RTEL1: variants seen among roughly 807,000 people sequenced by gnomAD.
The protein encoded by RTEL1 is regulator of telomere length.
A neutral mutation model predicts 162.2 loss-of-function variants in RTEL1; 86 were observed. The observed-to-expected ratio is 0.53, with a 90% confidence interval of 0.45 to 0.63. The LOEUF (loss-of-function observed/expected upper bound fraction) is 0.63. Ranked by LOEUF, RTEL1 falls within the 30% of genes least tolerant of loss-of-function variation. RTEL1 has a pLI of 0.00. For missense variants in RTEL1, 1,941 were observed against 1,750.2 expected (o/e 1.11, Z -1.95); for synonymous variants, 958 against 717.9 (o/e 1.33, Z -5.35).
At chr20:63,685,088 A>G (rs1601154514) in intron 14 of RTEL1, among the ~76,000 whole-genome samples, 1 of 135,440 alleles carries the variant, frequency 7.4e-6, no homozygotes, top group Non-Finnish European at 1.6e-5. Flanking sequence ...GGGTTGCACC[A>G]TGTTGCCCAG....
At position 63,661,364 on chromosome 20, in the gene RTEL1, C is replaced by T; in HGVS notation, c.169C>T (p.Leu57=). 1.2e-6 allele frequency: 2 copies of T among 1,613,670 alleles called. No individual in the cohort carries two copies. Among genetic ancestry groups the T allele is most frequent in the Non-Finnish European group, 1.7e-6 (2 of 1,180,034 alleles). ...GKTLCLLCTT[L]AWREHLRDGI... ...GACGCTGTGCCTGCTGTGCACCACG[C>T]TGGCCTGGCGAGAACACCTCCGAGA... The change falls in exon 3 of 35, where the codon CTG becomes TTG. Residue 57 remains leucine, a synonymous_variant. Transcript: ENST00000360203. The surrounding 1 kb of genome is among the most constrained non-coding windows in gnomAD (Gnocchi z 5.1).
At chr20:63,689,227 C>T (rs764270145) in intron 22 of RTEL1, 95 bp downstream of exon 22, 24 of 1,242,614 alleles carry the variant, frequency 1.9e-5, no homozygotes, top group South Asian at 5.0e-5. Flanking sequence ...GGGGGCTGCC[C>T]GGTCCCCTCC....
intron 10 of RTEL1, among the ~76,000 whole-genome samples, chr20:63,675,952 T>TGTTAGTTA (rs2090341184): frequency 6.6e-6 from 1 of 152,146 alleles, no homozygotes; most frequent in South Asian, 2.1e-4. Flanking sequence ...TCTCCACTCT[T>TGTTAGTTA]CAGTTTTGTT....
chr20:63,695,276 G>A (rs1033340591), intron 33 of RTEL1, 52 bp from the exon 34 acceptor site: 21 of 1,599,228 alleles, frequency 1.3e-5, no homozygotes, highest in African/African-American at 2.7e-5. Flanking sequence ...GCAGCCCTGG[G>A]AGTGAGCAGC....
At chr20:63,664,552 C>T (rs1373890194) in intron 6 of RTEL1, among the ~76,000 whole-genome samples, 1 of 152,208 alleles carries the variant, frequency 6.6e-6, no homozygotes, top group Admixed American at 6.5e-5. Flanking sequence ...TCTCCTCCTC[C>T]AGGCCTGTGG....
chr20:63,680,610 G>C lies in RTEL1; in HGVS notation c.1136-54G>C, dbSNP rs933053244. 2.8e-5 allele frequency: 45 copies of C among 1,594,410 alleles called. No homozygotes were observed. In the Admixed American group the frequency reaches 7.2e-4, roughly 25 times the overall value. ...CTCATGCTGGAAGGGCCGGGGCTGG[G>C]GTCGGGGCCTCCCCTGCCTGCAGTG... On this transcript the variant is annotated intron_variant, in intron 13 of 34. Transcript: ENST00000360203.
At chr20:63,669,381 G>C (rs942158538) in intron 8 of RTEL1, among the ~76,000 whole-genome samples, 1 of 152,184 alleles carries the variant, frequency 6.6e-6, no homozygotes, top group Non-Finnish European at 1.5e-5. Context: ...AGATTTCTTA[G>C]TATGGATACA....
At chr20:63,680,989 C>A in intron 14 of RTEL1, 1 of 985,398 alleles carries the variant, frequency 1.0e-6, no homozygotes, top group South Asian at 4.7e-5. Context: ...GCCGGGGAGC[C>A]GCTCCTGCCC....
At chr20:63,676,229 C>T (rs542341671) in intron 10 of RTEL1, among the ~76,000 whole-genome samples, 11 of 152,262 alleles carry the variant, frequency 7.2e-5, no homozygotes, top group East Asian at 1.9e-4. Flanking sequence ...GGACTACAGG[C>T]GTGTGCCACT....
intron 10 of RTEL1, among the ~76,000 whole-genome samples, chr20:63,676,515 C>CT (rs2090352380): frequency 1.3e-5 from 2 of 152,128 alleles, no homozygotes; most frequent in Admixed American, 6.5e-5. Context: ...ATGTTAATCA[C>CT]TGGGGGCTTG....
intron 14 of RTEL1, 65 bp from the exon 15 acceptor site, chr20:63,685,458 C>A: frequency 1.3e-6 from 2 of 1,528,526 alleles, no homozygotes; most frequent in South Asian, 1.2e-5. Flanking sequence ...GTGTATGCGG[C>A]TGATGCTGCA....
At chr20:63,675,061 C>T (rs2090321517) in intron 10 of RTEL1, among the ~76,000 whole-genome samples, 1 of 152,180 alleles carries the variant, frequency 6.6e-6, no homozygotes, top group Non-Finnish European at 1.5e-5. Context: ...GCGTGCACCA[C>T]CACGCCCAGC....
chr20:63,682,487 A>C (rs975704742), intron 14 of RTEL1: 62 of 985,680 alleles, frequency 6.3e-5, no homozygotes, highest in Non-Finnish European at 7.3e-5. Flanking sequence ...CTTAAGGAGA[A>C]GACTCCACAC....
At chr20:63,693,105 A>G (rs2090800134) in intron 29 of RTEL1, 38 bp from the exon 30 acceptor site, 1 of 1,611,882 alleles carries the variant, frequency 6.2e-7, no homozygotes, top group Non-Finnish European at 8.5e-7. Flanking sequence ...CTCTAGAGAA[A>G]AAGGGGCAGA....
rs925686072 is a variant in RTEL1 at position 63,660,082 on chromosome 20, C to T, written c.102+578C>T. 3.3e-4 allele frequency among the ~76,000 whole-genome samples: 50 copies of T among 152,102 alleles called. 1 individual carries two copies. Among genetic ancestry groups the T allele is most frequent in the Non-Finnish European group, 1.0e-4 (7 of 68,020 alleles). On this transcript the variant is annotated intron_variant, in intron 2 of 34. Transcript: ENST00000360203. ...AAGAGTAACAGAGCAGCATTGCTGC[C>T]AATATGTCTCGCCTCCTGCCACAGG...
chr20:63,660,874 G>A (rs1330084083), intron 2 of RTEL1: 1 of 190,122 alleles, frequency 5.3e-6, no homozygotes, highest in Non-Finnish European at 1.1e-5. Flanking sequence ...GTGCCCTCTT[G>A]TACCCGGCTC....
chr20:63,690,680 A>G, intron 26 of RTEL1, 125 bp from the exon 27 acceptor site: 1 of 1,126,164 alleles, frequency 8.9e-7, no homozygotes, highest in Non-Finnish European at 1.2e-6. Context: ...CCCCAATAGC[A>G]GGGAGGACAC....
intron 26 of RTEL1, among the ~76,000 whole-genome samples, 177 bp downstream of exon 26, chr20:63,690,618 C>G (rs2090714622): frequency 1.3e-5 from 2 of 152,124 alleles, no homozygotes; most frequent in African/African-American, 4.8e-5. Flanking sequence ...GCAACCCTCC[C>G]CTACAGGCAG....
At chr20:63,690,652 C>G (rs1369309256) in intron 26 of RTEL1, among the ~76,000 whole-genome samples, 153 bp from the exon 27 acceptor site, 1 of 152,108 alleles carries the variant, frequency 6.6e-6, no homozygotes. Flanking sequence ...CAAGGATGCC[C>G]CCCGAGGCTG....
Sources: allele counts gnomAD v4.1 joint callset (sites outside exome capture counted in the v4.1 genomes callset), GRCh38; gene constraint gnomAD v4.1.1; non-coding constraint Gnocchi (gnomAD v3.1); transcripts MANE v1.5; gene names NCBI Gene and HGNC (gene_info 2026-07-23, HGNC 2026-07-21).